The following FKBP1B variants were observed in gnomAD, a reference collection of about 807,000 sequenced individuals.
FKBP1B encodes the protein peptidyl-prolyl cis-trans isomerase FKBP1B.
A neutral mutation model predicts 13.5 loss-of-function variants in FKBP1B; 4 were observed. The observed-to-expected ratio is 0.30, with a 90% confidence interval of 0.15 to 0.68. The LOEUF (loss-of-function observed/expected upper bound fraction) is 0.68, where lower values mean the gene tolerates loss of function less well. FKBP1B is among the 30% of genes least tolerant of loss of function. FKBP1B has a pLI of 0.76. For synonymous variants in FKBP1B, 54 were observed against 53.6 expected (o/e 1.01, Z -0.03); for missense variants, 93 against 136.2 (o/e 0.68, Z 1.58).
rs768057012 is a variant in FKBP1B, at chr2:24,060,856, GAA to G, written c.130_131del (p.Asn44GlnfsTer17). On this transcript the variant is annotated frameshift_variant, in exon 3 of 4. Transcript: ENST00000380986. LOFTEE classifies it high-confidence loss of function. ...AAGAAGTTTGATTCATCCAGAGACA[GAA>G]ACAAACCTTTCAAGTTCAGAATTGG... The G allele has an allele frequency of 6.2e-7, 1 of 1,614,220 alleles. No individual in the cohort carries two copies. The highest frequency in any genetic ancestry group is 8.5e-7 in the Non-Finnish European group (1 of 1,180,034).
the FKBP1B span, chr2:24,039,360 C>T: frequency 8.7e-6 from 14 of 1,614,250 alleles, no homozygotes; most frequent in Non-Finnish European, 1.2e-5. Context: ...CAAACTTGAC[C>T]TCTCCACTGT....
intron 2 of FKBP1B, among the ~76,000 whole-genome samples, chr2:24,060,022 G>T (rs1427143355): frequency 1.3e-5 from 2 of 152,192 alleles, no homozygotes; most frequent in East Asian, 3.9e-4. Context: ...GCCAGAGCCG[G>T]ATTGTGAAGT....
chr2:24,061,794 G>A (rs1453603885), intron 3 of FKBP1B, among the ~76,000 whole-genome samples: 14 of 152,290 alleles, frequency 9.2e-5, no homozygotes, highest in African/African-American at 3.4e-4. Context: ...AACAACTGCT[G>A]TGATGAGCCC....
chr2:24,038,434 A>T, the FKBP1B span: 2 of 1,614,174 alleles, frequency 1.2e-6, no homozygotes, highest in Non-Finnish European at 1.7e-6. Flanking sequence ...AGCCACTGCC[A>T]CTACGTGGGC....
chr2:24,059,894 CAAA>C (rs10679224), intron 2 of FKBP1B, among the ~76,000 whole-genome samples: 8 of 49,814 alleles, frequency 1.6e-4, no homozygotes, highest in Middle Eastern at 0.014. Context: ...GACTCCGACT[CAAA>C]AAAAAAAAAA....
intron 2 of FKBP1B, among the ~76,000 whole-genome samples, chr2:24,058,461 G>A (rs1157716763): frequency 6.6e-6 from 1 of 152,180 alleles, no homozygotes; most frequent in Non-Finnish European, 1.5e-5. Flanking sequence ...AAATCACCAT[G>A]TAAGTGGGTC....
intron 1 of FKBP1B, among the ~76,000 whole-genome samples, chr2:24,051,399 T>C (rs1365176703): frequency 6.6e-6 from 1 of 152,038 alleles, no homozygotes; most frequent in Non-Finnish European, 1.5e-5. Flanking sequence ...GATGTTTTAA[T>C]GATTCTTCCC....
the FKBP1B span, among the ~76,000 whole-genome samples, chr2:24,034,876 A>G: frequency 6.6e-6 from 1 of 152,160 alleles, no homozygotes; most frequent in Admixed American, 6.5e-5. Context: ...TGCCTGGCCA[A>G]ACATGGTTGT....
At chr2:24,039,376 C>T in the FKBP1B span, 6 of 1,614,122 alleles carry the variant, frequency 3.7e-6, no homozygotes, top group South Asian at 2.2e-5. Flanking sequence ...ACTGTGAAGC[C>T]GCAAATCAGT....
chr2:24,040,622 T>C, the FKBP1B span, among the ~76,000 whole-genome samples: 5 of 152,268 alleles, frequency 3.3e-5, no homozygotes, highest in African/African-American at 1.2e-4. Context: ...CATTTTATCT[T>C]ACAATAATCT....
upstream of FKBP1B, chr2:24,049,542 G>A: frequency 3.2e-6 from 1 of 311,138 alleles, no homozygotes; most frequent in Non-Finnish European, 5.9e-6. Context: ...TGGAGGATGT[G>A]GTTGTGCTTA....
chr2:24,054,887 T>G (rs1337584723), intron 2 of FKBP1B, among the ~76,000 whole-genome samples: 1 of 152,228 alleles, frequency 6.6e-6, no homozygotes, highest in Non-Finnish European at 1.5e-5. Context: ...AACCACAACA[T>G]CCTTTTGCAA....
At chr2:24,053,999 G>A (rs1558343881) in intron 2 of FKBP1B, 50 bp downstream of exon 2, 3 of 1,568,932 alleles carry the variant, frequency 1.9e-6, no homozygotes, top group Non-Finnish European at 2.6e-6. Context: ...TCCCAAGGCA[G>A]GGCTGTCCTC....
chr2:24,042,931 G>A, the FKBP1B span, among the ~76,000 whole-genome samples: 3 of 151,292 alleles, frequency 2.0e-5, no homozygotes, highest in African/African-American at 7.3e-5. Context: ...TACTCAGGAG[G>A]CTGAGGCAGG....
the FKBP1B span, chr2:24,039,238 G>A: frequency 6.2e-7 from 1 of 1,614,254 alleles, no homozygotes; most frequent in Non-Finnish European, 8.5e-7. Flanking sequence ...CTGCCACACA[G>A]TGACATGCTT....
At chr2:24,036,715 G>C in the FKBP1B span, among the ~76,000 whole-genome samples, 2 of 152,170 alleles carry the variant, frequency 1.3e-5, no homozygotes. Flanking sequence ...TAAATAAAGA[G>C]CATACTCTCA....
At chr2:24,042,635 G>C in the FKBP1B span, among the ~76,000 whole-genome samples, 1 of 151,772 alleles carries the variant, frequency 6.6e-6, no homozygotes, top group Non-Finnish European at 1.5e-5. Context: ...CTTGAACCCG[G>C]GAGGTGGAGG....
chr2:24,035,372 G>A, the FKBP1B span, among the ~76,000 whole-genome samples: 1 of 151,920 alleles, frequency 6.6e-6, no homozygotes, highest in African/African-American at 2.4e-5. Flanking sequence ...GCTAGTATCT[G>A]CATAAAGAAA....
Position 24,049,901 on chromosome 2 carries a change from C to A in FKBP1B, c.37+15C>A, listed in dbSNP as rs1257269313. On this transcript the variant is annotated intron_variant, in intron 1 of 3. Transcript: ENST00000380986. Reference sequence around the variant, plus strand: ...CCCCGGAGACGGTACCGGGCTCCCTCCGGAGCCAGGGGAGGGGAGGGGTCC... The same window carrying A: ...CCCCGGAGACGGTACCGGGCTCCCTACGGAGCCAGGGGAGGGGAGGGGTCC... 78 of 1,402,736 alleles carry A rather than the reference C, an allele frequency of 5.6e-5. No individual in the cohort carries two copies. Among genetic ancestry groups the A allele is most frequent in the Non-Finnish European group, 6.9e-5 (74 of 1,077,168 alleles). 86.9% of individuals were successfully genotyped at this position (1,402,736 alleles called of 1,614,324 possible).
Sources: allele counts gnomAD v4.1 joint callset (sites outside exome capture counted in the v4.1 genomes callset), GRCh38; gene constraint gnomAD v4.1.1; transcripts MANE v1.5; gene names NCBI Gene and HGNC (gene_info 2026-07-23, HGNC 2026-07-21).